FGF14: variants seen among roughly 807,000 people sequenced by gnomAD.
FGF14 encodes the protein fibroblast growth factor 14.
Under a neutral mutation model 25.5 loss-of-function variants are expected in FGF14, and 5 were observed. That is an observed-to-expected ratio of 0.20 (90% CI 0.10 to 0.41). The LOEUF is 0.41. Ranked by LOEUF, FGF14 falls within the 10% of genes least tolerant of loss-of-function variation. FGF14 has a pLI of 1.00. For synonymous variants in FGF14, 138 were observed against 118.3 expected, an observed-to-expected ratio of 1.17 and a Z score of -1.08; for missense variants, 222 against 320.1, an observed-to-expected ratio of 0.69 and a Z score of 2.34.
Position 101,712,689 on chromosome 13 carries a change from T to A in FGF14, c.*10142A>T. ...GTGCCTTTCGAGGAAACTTCTCTGA[T>A]AGTCAATGAAATACTCCATGTGGTC... On this transcript the variant is annotated 3_prime_UTR_variant, in exon 5 of 5. Coordinates refer to ENST00000376143, the MANE Select transcript of FGF14 (RefSeq NM_004115.4). The A allele has an allele frequency of 6.6e-6, 1 of 152,202 alleles. No individual in the cohort carries two copies. Among genetic ancestry groups the A allele is most frequent in the East Asian group, 1.9e-4 (1 of 5,202 alleles). 9.4% of individuals were successfully genotyped at this position (152,202 alleles called of 1,614,324 possible).
intron 1 of FGF14, among the ~76,000 whole-genome samples, chr13:101,959,036 G>A (rs537373477): frequency 6.6e-6 from 1 of 152,088 alleles, no homozygotes; most frequent in Non-Finnish European, 1.5e-5. Context: ...AATTACCCAA[G>A]CAAACCTTCA....
intron 1 of FGF14, among the ~76,000 whole-genome samples, chr13:101,994,469 A>G (rs909509151): frequency 1.3e-5 from 2 of 151,994 alleles, no homozygotes; most frequent in African/African-American, 4.8e-5. Context: ...CCTGTTCTTC[A>G]AATTTACAAA....
chr13:101,906,650 G>A (rs955137077), intron 1 of FGF14, among the ~76,000 whole-genome samples: 44 of 151,992 alleles, frequency 2.9e-4, no homozygotes, highest in African/African-American at 1.0e-3. Flanking sequence ...ATGTTACCCC[G>A]GAAAATCTCA....
intron 2 of FGF14, among the ~76,000 whole-genome samples, chr13:101,871,352 C>T (rs2045069382): frequency 6.6e-6 from 1 of 152,108 alleles, no homozygotes; most frequent in Non-Finnish European, 1.5e-5. Flanking sequence ...AACCCCATAC[C>T]TATTAAATCA....
chr13:102,163,480 A>G (rs942831541), intron 1 of FGF14, among the ~76,000 whole-genome samples: 1 of 152,172 alleles, frequency 6.6e-6, no homozygotes, highest in Non-Finnish European at 1.5e-5. Context: ...GAGCAAGTGG[A>G]AGGAAGGCCG....
intron 1 of FGF14, among the ~76,000 whole-genome samples, chr13:101,881,590 C>T (rs1337623524): frequency 6.6e-6 from 1 of 152,050 alleles, no homozygotes; most frequent in African/African-American, 2.4e-5. Context: ...GAAAGAAAAG[C>T]ACGTATCTTT....
intron 1 of FGF14, among the ~76,000 whole-genome samples, chr13:102,224,172 G>T (rs1035315145): frequency 2.0e-5 from 3 of 151,986 alleles, no homozygotes; most frequent in Non-Finnish European, 4.4e-5. Context: ...ATTAAATAAA[G>T]AAAACATATC....
intron 3 of FGF14, among the ~76,000 whole-genome samples, chr13:101,832,931 G>T (rs2042747274): frequency 6.6e-6 from 1 of 152,000 alleles, no homozygotes; most frequent in Non-Finnish European, 1.5e-5. Flanking sequence ...TTCTTCTGTG[G>T]TTTTCTCACA....
exon 1 of FGF14, chr13:102,401,631 T>C: frequency 6.2e-7 from 1 of 1,614,106 alleles, no homozygotes; most frequent in Non-Finnish European, 8.5e-7. Flanking sequence ...GGTTGCATAA[T>C]AATAATTTGA....
intron 1 of FGF14, among the ~76,000 whole-genome samples, chr13:102,241,572 T>C (rs2051602777): frequency 2.6e-5 from 4 of 152,038 alleles, no homozygotes; most frequent in African/African-American, 9.7e-5. Context: ...CCTCCTGGAG[T>C]TATGCTATAG....
At position 101,870,970 on chromosome 13, in the gene FGF14, A is replaced by AC. The variant is rs574787742; in HGVS notation, c.305-2143_305-2142insG. 6.4e-3 allele frequency among the ~76,000 whole-genome samples: 969 copies of AC among 151,390 alleles called. 10 individuals carry two copies. Among genetic ancestry groups the AC allele is most frequent in the South Asian group, 0.012 (60 of 4,802 alleles). ...CCATCTCAAAAATAAATAAATAAAT[A>AC]AATAAATACATACATACATACATAC... On this transcript the variant is annotated intron_variant, in intron 2 of 4. Transcript: ENST00000376143.
intron 1 of FGF14, among the ~76,000 whole-genome samples, chr13:101,942,768 C>G (rs557566444): frequency 6.6e-6 from 1 of 152,334 alleles, no homozygotes; most frequent in South Asian, 2.1e-4. Context: ...GTTTCTATGA[C>G]TCTCTCAGGA....
chr13:102,342,155 A>T (rs1018520302), intron 1 of FGF14, among the ~76,000 whole-genome samples: 1 of 152,180 alleles, frequency 6.6e-6, no homozygotes, highest in African/African-American at 2.4e-5. Flanking sequence ...TATGTGTCTC[A>T]ATCTCTCCAT....
chr13:101,884,250 C>A (rs768929245), intron 1 of FGF14, among the ~76,000 whole-genome samples: 16 of 151,696 alleles, frequency 1.1e-4, no homozygotes, highest in Non-Finnish European at 1.3e-4. Context: ...CTCAGACCAC[C>A]CCTGATACAA....
intron 1 of FGF14, among the ~76,000 whole-genome samples, chr13:102,261,414 T>C (rs1034540488): frequency 6.6e-5 from 10 of 152,202 alleles, no homozygotes; most frequent in Non-Finnish European, 1.3e-4. Flanking sequence ...AAAACCAATG[T>C]GAATGTAGCA....
chr13:101,872,364 A>G (rs115078839), intron 2 of FGF14, among the ~76,000 whole-genome samples: 2,940 of 151,598 alleles, frequency 0.019, 98 homozygotes, highest in African/African-American at 0.068. Context: ...AATACAAACC[A>G]TGGGTTGGTT....
At chr13:102,341,929 T>A (rs575242525) in intron 1 of FGF14, among the ~76,000 whole-genome samples, 1 of 152,278 alleles carries the variant, frequency 6.6e-6, no homozygotes, top group East Asian at 1.9e-4. Flanking sequence ...CATAGCTCCA[T>A]GTTGTCATCC....
At chr13:102,191,885 C>A (rs148703592) in intron 1 of FGF14, among the ~76,000 whole-genome samples, 1 of 152,266 alleles carries the variant, frequency 6.6e-6, no homozygotes, top group African/African-American at 2.4e-5. Flanking sequence ...ATAGCCATTC[C>A]CATTCCAAAA....
intron 1 of FGF14, among the ~76,000 whole-genome samples, chr13:102,157,592 G>A (rs2047405692): frequency 1.3e-5 from 2 of 152,112 alleles, no homozygotes; most frequent in African/African-American, 4.8e-5. Context: ...CAGGACATAG[G>A]CATGGGCAAG....
Sources: gnomAD v4.1 joint callset for allele counts (sites outside exome capture counted in the v4.1 genomes callset) on GRCh38, gnomAD v4.1.1 for gene constraint, MANE v1.5 for transcripts, NCBI Gene and HGNC (gene_info 2026-07-23, HGNC 2026-07-21) for gene names.